The following RAP1GAP variants were observed in gnomAD, a reference collection of about 807,000 sequenced individuals.
The protein encoded by RAP1GAP is rap1 GTPase-activating protein 1.
RAP1GAP carries 35 observed loss-of-function variants against 87.2 expected under a neutral mutation model. That is an observed-to-expected ratio of 0.40 (90% CI 0.31 to 0.53). The LOEUF is 0.53. RAP1GAP is among the 20% of genes least tolerant of loss of function. RAP1GAP has a pLI of 0.48. For synonymous variants in RAP1GAP, 375 were observed against 363.9 expected (o/e 1.03, Z -0.35); for missense variants, 734 against 898.9 (o/e 0.82, Z 2.35).
At chr1:21,638,932 A>G (rs985962720) in intron 2 of RAP1GAP, among the ~76,000 whole-genome samples, 1 of 152,078 alleles carries the variant, frequency 6.6e-6, no homozygotes, top group Admixed American at 6.5e-5. Context: ...TTGCACCCCC[A>G]TTCTGGCTGG....
Position 21,613,182 on chromosome 1 carries a change from G to A in RAP1GAP, c.522C>T (p.Tyr174=), listed in dbSNP as rs772132185. 1 of 1,552,142 alleles carries A rather than the reference G, an allele frequency of 6.4e-7. No homozygotes were observed. The highest frequency in any genetic ancestry group is 1.4e-5 in the African/African-American group (1 of 73,562). The change falls in exon 10 of 25, where the codon TAC becomes TAT. Residue 174 remains tyrosine, a synonymous_variant. Transcript: ENST00000374765. This position sits in a 1 kb window ranked among gnomAD's most constrained non-coding sequence, Gnocchi z 4.7. The part of the protein sequence containing the change: ...VNVDRFYPVL[Y]PKASRLIVTF... ...TGCCCAGATCCAGCCATACCTTGGG[G>A]TAGAGCACAGGATAGAACCGATCCA...
chr1:21,643,069 A>T (rs1029568167), intron 2 of RAP1GAP, among the ~76,000 whole-genome samples: 1 of 151,734 alleles, frequency 6.6e-6, no homozygotes, highest in Admixed American at 6.6e-5. Flanking sequence ...CTCTTTCCTT[A>T]TGACCCTCTC....
chr1:21,639,093 C>A (rs2151227807), intron 2 of RAP1GAP, among the ~76,000 whole-genome samples: 1 of 152,364 alleles, frequency 6.6e-6, no homozygotes, highest in South Asian at 2.1e-4. Context: ...CAAGCCAGGC[C>A]AGCCGGGTTA....
rs1355187916 is a variant in RAP1GAP, at chr1:21,613,286, G to A, written c.475-57C>T. On this transcript the variant is annotated intron_variant, in intron 9 of 24. Transcript: ENST00000374765. This position sits in a 1 kb window ranked among gnomAD's most constrained non-coding sequence, Gnocchi z 4.7. ...TGTGGGGCCAGGGAGGAGAGGATGG[G>A]GCTGCCTGGGCCTCCCTGGTCAAGG... The A allele has an allele frequency of 1.4e-6, 2 of 1,431,382 alleles. No individual in the cohort carries two copies. Among genetic ancestry groups the A allele is most frequent in the Admixed American group, 3.4e-5 (2 of 59,658 alleles). The allele number at this position is 1,431,382 out of a possible 1,614,324, so 88.7% of individuals were successfully genotyped here.
chr1:21,629,402 G>T (rs1570981377), intron 2 of RAP1GAP, among the ~76,000 whole-genome samples: 1 of 152,108 alleles, frequency 6.6e-6, no homozygotes, highest in Non-Finnish European at 1.5e-5. Context: ...CCATGTGTAG[G>T]TGTCCATTTC....
intron 2 of RAP1GAP, among the ~76,000 whole-genome samples, chr1:21,646,307 C>T (rs373506454): frequency 6.6e-6 from 1 of 152,216 alleles, no homozygotes; most frequent in African/African-American, 2.4e-5. Flanking sequence ...GGCTACATCA[C>T]TCCCCGCTCC....
intron 1 of RAP1GAP, among the ~76,000 whole-genome samples, chr1:21,666,932 C>T (rs2097372989): frequency 6.6e-6 from 1 of 152,142 alleles, no homozygotes; most frequent in African/African-American, 2.4e-5. Context: ...TACACACGTG[C>T]CAGCATCTGG....
Position 21,613,974 on chromosome 1 carries a change from C to A in RAP1GAP, c.395+12G>T, listed in dbSNP as rs749806473. 6.3e-7 allele frequency: 1 copy of A among 1,578,454 alleles called. No homozygotes were observed. Among genetic ancestry groups the A allele is most frequent in the South Asian group, 1.1e-5 (1 of 88,770 alleles). ...CCTTCCTGCCATCTCAGGACTCCCC[C>A]ACCACCCTCACCTGAGCAGCAGCCG... On this transcript the variant is annotated intron_variant, in intron 8 of 24. Transcript: ENST00000374765. The surrounding 1 kb of genome is among the most constrained non-coding windows in gnomAD (Gnocchi z 4.7).
intron 2 of RAP1GAP, among the ~76,000 whole-genome samples, chr1:21,629,763 A>T (rs577233744): frequency 2.0e-5 from 3 of 152,364 alleles, no homozygotes. Context: ...CCAAAGAGGC[A>T]GATGTTCAGA....
chr1:21,641,074 A>AT (rs546229041), intron 2 of RAP1GAP, among the ~76,000 whole-genome samples: 42,148 of 131,934 alleles, frequency 0.32, 7,286 homozygotes, highest in Middle Eastern at 0.44. Context: ...CGCCCAGCTA[A>AT]TTTTTTTTTT....
At chr1:21,597,825 G>A (rs887314929) in intron 23 of RAP1GAP, 97 bp from the exon 24 acceptor site, 15 of 1,543,160 alleles carry the variant, frequency 9.7e-6, no homozygotes, top group East Asian at 2.3e-5. Flanking sequence ...TGTCCAGGCC[G>A]GGCAAGCCCC....
chr1:21,631,923 A>T (rs1040004509), intron 2 of RAP1GAP, among the ~76,000 whole-genome samples: 1 of 152,062 alleles, frequency 6.6e-6, no homozygotes, highest in Non-Finnish European at 1.5e-5. Flanking sequence ...ATGACCTCCC[A>T]TCACGGCCCT....
chr1:21,665,818 G>C (rs1412370664), intron 1 of RAP1GAP, among the ~76,000 whole-genome samples: 1 of 152,226 alleles, frequency 6.6e-6, no homozygotes, highest in African/African-American at 2.4e-5. Context: ...ACCCCTGCTT[G>C]GCCCTAGTGT....
At chr1:21,597,771 G>A in intron 23 of RAP1GAP, 43 bp from the exon 24 acceptor site, 1 of 1,609,584 alleles carries the variant, frequency 6.2e-7, no homozygotes, top group Non-Finnish European at 8.5e-7. Flanking sequence ...CAAGACGGGA[G>A]AAGCAACGGG....
rs1366868302 is a variant in RAP1GAP, at chr1:21,597,679, G to A, written c.*34+7C>T. 14 of 1,602,920 alleles carry A rather than the reference G, an allele frequency of 8.7e-6. No individual in the cohort carries two copies. The highest frequency in any genetic ancestry group is 1.2e-5 in the Non-Finnish European group (14 of 1,171,344). On this transcript the variant is annotated splice_region_variant and intron_variant, in intron 24 of 24. Transcript: ENST00000374765. ...CACCAAACACAAGCTGAGGGGCTGG[G>A]TCTAACCTGCTCAGTTTCACCTTCA...
chr1:21,617,357 C>G lies in RAP1GAP; in HGVS notation c.240G>C (p.Lys80Asn). The G allele has an allele frequency of 6.3e-7, 1 of 1,599,396 alleles. No individual in the cohort carries two copies. The highest frequency in any genetic ancestry group is 8.5e-7 in the Non-Finnish European group (1 of 1,173,036). ...EPLQSPTTKV[K>N]LECNPTARIY... Reference sequence around the variant, plus strand: ...TGCGGGCTGTGGGGTTGCACTCGAGCTTCACCTTGGTTGTGGGCGACTGCA... The same window carrying G: ...TGCGGGCTGTGGGGTTGCACTCGAGGTTCACCTTGGTTGTGGGCGACTGCA... Residue 80 changes from lysine (K) to asparagine (N), a missense_variant, in exon 7 of 25, where the codon AAG (lysine) becomes AAC (asparagine). Physicochemically the swap from Lys to Asn is moderately conservative, Grantham distance 94. Coordinates refer to ENST00000374765, the MANE Select transcript of RAP1GAP (RefSeq NM_002885.4).
At position 21,603,046 on chromosome 1, in the gene RAP1GAP, T is replaced by C; in HGVS notation, c.1429-133A>G. On this transcript the variant is annotated intron_variant, in intron 18 of 24. Transcript: ENST00000374765. The surrounding 1 kb of genome is among the most constrained non-coding windows in gnomAD (Gnocchi z 6.0). ...GAGCAAGAAAGAACGAGAGAAGATA[T>C]CCATTCCCAGAGACAGCCTCCCAGT... is the stretch of plus-strand genomic sequence containing the variant. 1.5e-6 allele frequency: 1 copy of C among 647,282 alleles called. No individual in the cohort carries two copies. Among genetic ancestry groups the C allele is most frequent in the Admixed American group, 2.9e-5 (1 of 34,948 alleles). 40.1% of individuals were successfully genotyped at this position (647,282 alleles called of 1,614,324 possible).
At chr1:21,601,960 C>A (rs2068936714) in intron 19 of RAP1GAP, among the ~76,000 whole-genome samples, 163 bp from the exon 20 acceptor site, 1 of 152,204 alleles carries the variant, frequency 6.6e-6, no homozygotes, top group Admixed American at 6.5e-5. Context: ...CCCTGGCTAG[C>A]CTGGCCAGTG....
chr1:21,659,440 T>G (rs1299359307), intron 1 of RAP1GAP, among the ~76,000 whole-genome samples: 1 of 152,098 alleles, frequency 6.6e-6, no homozygotes, highest in Non-Finnish European at 1.5e-5. Context: ...CTCCCTTACA[T>G]GGAGGCGGCC....
Sources: allele counts gnomAD v4.1 joint callset (sites outside exome capture counted in the v4.1 genomes callset), GRCh38; gene constraint gnomAD v4.1.1; non-coding constraint Gnocchi (gnomAD v3.1); transcripts MANE v1.5; gene names NCBI Gene and HGNC (gene_info 2026-07-23, HGNC 2026-07-21).